The following ANO10 variants were observed in gnomAD, a reference collection of about 807,000 sequenced individuals.
The protein encoded by ANO10 is anoctamin-10.
Under a neutral mutation model 74.7 loss-of-function variants are expected in ANO10, and 77 were observed. The observed-to-expected ratio is 1.03, with a 90% CI of 0.86 to 1.25. The LOEUF (loss-of-function observed/expected upper bound fraction) is 1.25. Ranked by LOEUF, ANO10 falls within the 50% of genes most tolerant of loss-of-function variation. The pLI, the probability that ANO10 is intolerant of heterozygous loss-of-function variation, is 0.00. For missense variants in ANO10, 721 were observed against 778.1 expected (o/e 0.93, Z 0.87); for synonymous variants, 279 against 284.9 (o/e 0.98, Z 0.21).
intron 1 of ANO10, among the ~76,000 whole-genome samples, chr3:43,657,431 T>C (rs977206000): frequency 6.6e-6 from 1 of 152,230 alleles, no homozygotes; most frequent in African/African-American, 2.4e-5. Context: ...TTGCATCTAC[T>C]TCCCTTTCCT....
chr3:43,688,522 C>T (rs2084304504), intron 1 of ANO10, among the ~76,000 whole-genome samples: 1 of 152,170 alleles, frequency 6.6e-6, no homozygotes, highest in African/African-American at 2.4e-5. Context: ...TGTATAAGAG[C>T]ATGTGACAGG....
intron 6 of ANO10, among the ~76,000 whole-genome samples, chr3:43,576,016 T>G (rs1247843790): frequency 2.0e-5 from 3 of 152,304 alleles, no homozygotes; most frequent in African/African-American, 7.2e-5. Flanking sequence ...GTTCATTGGT[T>G]TGAATGAATA....
At chr3:43,525,800 C>T (rs1372366869) in intron 11 of ANO10, among the ~76,000 whole-genome samples, 1 of 152,092 alleles carries the variant, frequency 6.6e-6, no homozygotes, top group Non-Finnish European at 1.5e-5. Context: ...TGTGAGTTTT[C>T]CTCCTTCTGT....
chr3:43,531,534 TAAATA>T (rs1291766372), intron 11 of ANO10, among the ~76,000 whole-genome samples: 1 of 152,088 alleles, frequency 6.6e-6, no homozygotes, highest in African/African-American at 2.4e-5. Context: ...GTATAAAAAA[TAAATA>T]TATAGGTCTC....
chr3:43,510,919 A>G (rs2077485234), intron 11 of ANO10, among the ~76,000 whole-genome samples: 1 of 152,232 alleles, frequency 6.6e-6, no homozygotes, highest in Admixed American at 6.5e-5. Context: ...ATTTTAAAAT[A>G]GTAGGACACA....
intron 12 of ANO10, among the ~76,000 whole-genome samples, chr3:43,380,652 G>A (rs1317902129): frequency 2.6e-5 from 4 of 152,050 alleles, no homozygotes; most frequent in Non-Finnish European, 4.4e-5. Flanking sequence ...GAGAGAATTC[G>A]CCACTACCAA....
At chr3:43,381,014 G>C (rs1183338973) in intron 12 of ANO10, among the ~76,000 whole-genome samples, 1 of 152,166 alleles carries the variant, frequency 6.6e-6, no homozygotes, top group Non-Finnish European at 1.5e-5. Flanking sequence ...TGGCAGGAGA[G>C]AGAAGCGCCG....
chr3:43,614,521 A>C (rs1315419144), intron 1 of ANO10, among the ~76,000 whole-genome samples: 1 of 152,056 alleles, frequency 6.6e-6, no homozygotes, highest in Non-Finnish European at 1.5e-5. Flanking sequence ...CCAATTTTAA[A>C]AATGCAAAGT....
chr3:43,650,469 A>C (rs1290247593), intron 1 of ANO10, among the ~76,000 whole-genome samples: 2 of 152,192 alleles, frequency 1.3e-5, no homozygotes, highest in African/African-American at 4.8e-5. Flanking sequence ...AAAAGAAAAC[A>C]CAGGAAATAA....
chr3:43,509,231 G>C (rs986939140), intron 11 of ANO10, among the ~76,000 whole-genome samples: 5 of 151,904 alleles, frequency 3.3e-5, no homozygotes, highest in Non-Finnish European at 5.9e-5. Context: ...GGTGGAGGGA[G>C]GGGAGAGGGA....
chr3:43,398,929 T>G (rs1209076893), intron 12 of ANO10, among the ~76,000 whole-genome samples: 1 of 152,176 alleles, frequency 6.6e-6, no homozygotes, highest in Non-Finnish European at 1.5e-5. Flanking sequence ...TCTGGGCTGA[T>G]GTGATCCTCC....
intron 12 of ANO10, among the ~76,000 whole-genome samples, chr3:43,425,783 G>C (rs1300001712): frequency 6.6e-6 from 1 of 152,066 alleles, no homozygotes; most frequent in Non-Finnish European, 1.5e-5. Context: ...ATATTTCTTT[G>C]ACGTATTTTG....
At chr3:43,417,653 A>G (rs890374626) in intron 12 of ANO10, among the ~76,000 whole-genome samples, 13 of 152,124 alleles carry the variant, frequency 8.5e-5, no homozygotes, top group African/African-American at 3.1e-4. Flanking sequence ...ACCCCACACA[A>G]TGTAGCTGCT....
rs192853988 is a variant in ANO10 at position 43,376,226 on chromosome 3, A to G, written c.1915-9252T>C. On this transcript the variant is annotated intron_variant, in intron 12 of 12. Transcript: ENST00000292246. The stretch of plus-strand genomic sequence containing the variant: ...TTCAGGAACAAGAAAGGTTAAAATA[A>G]GCCATATCTCCTCCACTGGATGAAG... Among the ~76,000 whole-genome samples, 32 of 152,364 alleles carry G rather than the reference A, an allele frequency of 2.1e-4. No homozygotes were observed. In the East Asian group the frequency reaches 4.0e-3, roughly 19 times the overall value.
intron 12 of ANO10, among the ~76,000 whole-genome samples, chr3:43,402,079 G>A (rs765119060): frequency 3.3e-5 from 5 of 152,162 alleles, no homozygotes; most frequent in East Asian, 3.8e-4. Context: ...GACAAACCTC[G>A]GTGACAACAG....
intron 11 of ANO10, among the ~76,000 whole-genome samples, chr3:43,491,404 C>T (rs1259822416): frequency 6.6e-6 from 1 of 152,128 alleles, no homozygotes; most frequent in Non-Finnish European, 1.5e-5. Flanking sequence ...ATCCCAGCTA[C>T]TAAGGAGGCT....
rs867262083 is a variant in ANO10, at chr3:43,488,883, T to C, written c.1798-56156A>G. Among the ~76,000 whole-genome samples, 17 of 152,154 alleles carry C rather than the reference T, an allele frequency of 1.1e-4. 1 individual carries two copies. The highest frequency in any genetic ancestry group is 7.7e-4 in the East Asian group (4 of 5,168). ...GACACATGCACACATATGTTTATTG[T>C]GGCATTATTCACAATAGCAAAGACT... On this transcript the variant is annotated intron_variant, in intron 11 of 12. Coordinates refer to ENST00000292246, the MANE Select transcript of ANO10 (RefSeq NM_018075.5).
chr3:43,539,689 T>C (rs2149273520), intron 11 of ANO10, among the ~76,000 whole-genome samples: 1 of 152,340 alleles, frequency 6.6e-6, no homozygotes, highest in Non-Finnish European at 1.5e-5. Context: ...ATCTGAAGTA[T>C]TTACATTTGA....
At chr3:43,681,668 C>G (rs2084203089) in intron 1 of ANO10, among the ~76,000 whole-genome samples, 1 of 152,170 alleles carries the variant, frequency 6.6e-6, no homozygotes, top group Admixed American at 6.5e-5. Flanking sequence ...AAATTGACCA[C>G]ATAGTTGGAA....
Sources: allele counts gnomAD v4.1 joint callset (sites outside exome capture counted in the v4.1 genomes callset), GRCh38; gene constraint gnomAD v4.1.1; transcripts MANE v1.5; gene names NCBI Gene and HGNC (gene_info 2026-07-23, HGNC 2026-07-21).